The following SYDE2 variants were observed in gnomAD, a reference collection of about 807,000 sequenced individuals.
SYDE2 encodes synapse defective Rho GTPase homolog 2, also known as rho GTPase-activating protein SYDE2.
SYDE2 carries 76 observed loss-of-function variants against 91.5 expected under a neutral mutation model. The ratio of observed to expected loss-of-function variants is 0.83; its 90% CI spans 0.69 to 1.01. The LOEUF (loss-of-function observed/expected upper bound fraction) is 1.01. SYDE2 is among the 50% of genes least tolerant of loss of function. The probability of loss-of-function intolerance (pLI) is 0.00; values close to 1 mark genes in which losing one functional copy is unlikely to be tolerated. For synonymous variants in SYDE2, 513 were observed against 506.4 expected, an observed-to-expected ratio of 1.01 and a Z score of -0.18; for missense variants, 1,364 against 1,367.7, an observed-to-expected ratio of 1.00 and a Z score of 0.04.
Position 85,158,831 on chromosome 1 carries a change from T to C in SYDE2, c.3504A>G (p.Lys1168=), listed in dbSNP as rs769831847. ...ESTVDRKNNL[K]DLQESIDTLI... is the part of the protein sequence containing the mutation. ...AAGTATCAATACTTTCTTGTAGATC[T>C]TTGAGATTGTTTTTTCGATCCACTG... The change falls in exon 7 of 7, where the codon AAA becomes AAG. Residue 1168 remains lysine (K), a synonymous_variant. Coordinates refer to ENST00000341460, the MANE Select transcript of SYDE2 (RefSeq NM_032184.2). 4 of 775,620 alleles carry C rather than the reference T, an allele frequency of 5.2e-6. No individual in the cohort carries two copies. Among genetic ancestry groups the C allele is most frequent in the African/African-American group, 3.4e-5 (2 of 58,990 alleles). The allele number at this position is 775,620 out of a possible 1,614,324, so 48.0% of individuals were successfully genotyped here. A position where few individuals can be genotyped will look rare whatever the true frequency, so the allele number is the denominator to read the frequency against.
chr1:85,163,192 C>T (rs903654964), intron 6 of SYDE2, among the ~76,000 whole-genome samples: 18 of 150,644 alleles, frequency 1.2e-4, no homozygotes, highest in African/African-American at 3.6e-4. Context: ...CTGCAACCTC[C>T]GCCTCCCTAG....
chr1:85,175,772 A>C (rs575795448), intron 4 of SYDE2, among the ~76,000 whole-genome samples: 1 of 152,336 alleles, frequency 6.6e-6, no homozygotes, highest in South Asian at 2.1e-4. Context: ...TCAAATCAAC[A>C]ATACCCTTTA....
intron 2 of SYDE2, among the ~76,000 whole-genome samples, chr1:85,189,840 A>G (rs1023771333): frequency 2.6e-5 from 4 of 152,136 alleles, no homozygotes; most frequent in African/African-American, 9.7e-5. Flanking sequence ...TTCTCAAAAA[A>G]ATAAAATAAA....
At chr1:85,192,951 C>T (rs1041403426) in intron 1 of SYDE2, among the ~76,000 whole-genome samples, 1 of 152,124 alleles carries the variant, frequency 6.6e-6, no homozygotes, top group African/African-American at 2.4e-5. Flanking sequence ...CTGGTAAGAA[C>T]TAAGTGAAAT....
chr1:85,179,829 T>C (rs2100667683), intron 3 of SYDE2, among the ~76,000 whole-genome samples: 1 of 143,364 alleles, frequency 7.0e-6, no homozygotes, highest in South Asian at 2.3e-4. Flanking sequence ...CCCCTTAAAC[T>C]TGAGAAGAAG....
intron 4 of SYDE2, among the ~76,000 whole-genome samples, chr1:85,170,363 G>C (rs1292314856): frequency 6.6e-6 from 1 of 152,036 alleles, no homozygotes; most frequent in African/African-American, 2.4e-5. Context: ...TTCTCCCAGA[G>C]TACCTGGCAT....
intron 2 of SYDE2, among the ~76,000 whole-genome samples, 152 bp from the exon 3 acceptor site, chr1:85,183,352 G>GTTGAATA (rs1658009886): frequency 6.6e-6 from 1 of 151,752 alleles, no homozygotes; most frequent in South Asian, 2.1e-4. Flanking sequence ...AGAAGTTCAG[G>GTTGAATA]TCAACTTCCA....
intron 4 of SYDE2, among the ~76,000 whole-genome samples, chr1:85,173,793 T>C (rs1657588510): frequency 6.6e-6 from 1 of 151,894 alleles, no homozygotes; most frequent in Admixed American, 6.6e-5. Flanking sequence ...ACATACACAA[T>C]AGAATTAGTA....
At chr1:85,165,890 T>A in intron 5 of SYDE2, among the ~76,000 whole-genome samples, 1 of 75,546 alleles carries the variant, frequency 1.3e-5, no homozygotes, top group East Asian at 2.9e-4. Context: ...TTTTTTTTTT[T>A]GGAGACAGGG....
At chr1:85,187,218 C>T (rs531953598) in intron 2 of SYDE2, among the ~76,000 whole-genome samples, 42 of 152,288 alleles carry the variant, frequency 2.8e-4, no homozygotes, top group African/African-American at 9.9e-4. Context: ...CATGAACAGA[C>T]AATTCTCAAA....
chr1:85,182,113 T>A lies in SYDE2; in HGVS notation c.2529A>T (p.Glu843Asp). 6.3e-7 allele frequency: 1 copy of A among 1,586,990 alleles called. No individual in the cohort carries two copies. Among genetic ancestry groups the A allele is most frequent in the Non-Finnish European group, 8.5e-7 (1 of 1,170,346 alleles). ...AAGATAATACCTGACAGCCTCTCTT[T>A]TCAATTTCCATAATACATTTCTGTA... ...LLIQKCIMEI[E>D]KRGCQVVGLY... Residue 843 changes from glutamate to aspartate, a missense_variant, in exon 3 of 7, where the codon GAA becomes GAT. Glu to Asp is a conservative substitution (Grantham distance 45). Coordinates refer to ENST00000341460, the MANE Select transcript of SYDE2 (RefSeq NM_032184.2).
chr1:85,190,439 G>A lies in SYDE2; in HGVS notation c.1059C>T (p.Asn353=). The A allele has an allele frequency of 6.2e-7, 1 of 1,613,784 alleles. No homozygotes were observed. Among genetic ancestry groups the A allele is most frequent in the Middle Eastern group, 1.6e-4 (1 of 6,062 alleles). Residue 353 remains asparagine, a synonymous_variant, in exon 2 of 7, where the codon AAC becomes AAT. Transcript: ENST00000341460. ...CNATNSSLSK[N]CALDFNEEND... ...TTTCCTCATTAAAATCTAAAGCACA[G>A]TTTTTCGATAATGAAGAGTTTGTAG... is the stretch of plus-strand genomic sequence containing the variant.
At chr1:85,170,155 A>G (rs1657453315) in intron 4 of SYDE2, among the ~76,000 whole-genome samples, 1 of 138,114 alleles carries the variant, frequency 7.2e-6, no homozygotes, top group South Asian at 2.2e-4. Context: ...GTCTCGCTCC[A>G]TCACCCAGGC....
Position 85,200,930 on chromosome 1 carries a change from G to A in SYDE2, c.67C>T (p.Pro23Ser). ...GGRGLADHSF[P>S]AGARAPGQPP... ...TGGCCCGGAGCCCGGGCTCCCGCGG[G>A]GAAGCTGTGATCCGCCAAGCCCCTG... Residue 23 changes from proline (P) to serine (S), a missense_variant, in exon 1 of 7, where the codon CCC becomes TCC. Pro to Ser is a moderately conservative substitution (Grantham distance 74). Coordinates refer to ENST00000341460, the MANE Select transcript of SYDE2 (RefSeq NM_032184.2). The A allele has an allele frequency of 4.5e-6, 6 of 1,322,218 alleles. No homozygotes were observed. Among genetic ancestry groups the A allele is most frequent in the Non-Finnish European group, 5.7e-6 (6 of 1,045,640 alleles). 81.9% of individuals were successfully genotyped at this position (1,322,218 alleles called of 1,614,324 possible).
At chr1:85,199,168 T>C (rs1446867574) in intron 1 of SYDE2, among the ~76,000 whole-genome samples, 1 of 152,230 alleles carries the variant, frequency 6.6e-6, no homozygotes, top group African/African-American at 2.4e-5. Context: ...GTAGGATTTA[T>C]AATTACTACC....
rs746615502 is a variant in SYDE2, at chr1:85,183,186, C to T, written c.1456G>A (p.Ala486Thr). ...KSPFAGSGIL[A>T]ATNSTELGIM... ...CCCAATTCAGTACTATTTGTAGCAGCCAGGATCCCAGAACCTTAAAAGAAA... is the reference window on the plus strand; with the variant it reads ...CCCAATTCAGTACTATTTGTAGCAGTCAGGATCCCAGAACCTTAAAAGAAA... The change falls in exon 3 of 7, where the codon GCT becomes ACT. Residue 486 changes from alanine (A) to threonine (T), a missense_variant. Physicochemically the swap from Ala to Thr is moderately conservative, Grantham distance 58. Coordinates refer to ENST00000341460, the MANE Select transcript of SYDE2 (RefSeq NM_032184.2). 6.4e-7 allele frequency: 1 copy of T among 1,561,614 alleles called. No individual in the cohort carries two copies. The highest frequency in any genetic ancestry group is 8.6e-7 in the Non-Finnish European group (1 of 1,159,976).
At chr1:85,199,894 A>C (rs1481188257) in intron 1 of SYDE2, among the ~76,000 whole-genome samples, 5 of 152,212 alleles carry the variant, frequency 3.3e-5, no homozygotes, top group African/African-American at 1.2e-4. Flanking sequence ...AGAGCTACAA[A>C]GAATAAAAAT....
chr1:85,179,404 G>A (rs1312768032), intron 3 of SYDE2, among the ~76,000 whole-genome samples: 2 of 152,098 alleles, frequency 1.3e-5, no homozygotes, highest in African/African-American at 2.4e-5. Context: ...GTCTCAATAT[G>A]AGAAAGTGTC....
chr1:85,156,730 C>G (rs1222964411), downstream of SYDE2: 1 of 152,034 alleles, frequency 6.6e-6, no homozygotes, highest in Non-Finnish European at 1.5e-5. Flanking sequence ...ATTTCAGATT[C>G]TGGAAAATTC....
Sources: gnomAD v4.1 joint callset for allele counts (sites outside exome capture counted in the v4.1 genomes callset) on GRCh38, gnomAD v4.1.1 for gene constraint, MANE v1.5 for transcripts, NCBI Gene and HGNC (gene_info 2026-07-23, HGNC 2026-07-21) for gene names.